PCDHAC1: variants seen among roughly 807,000 people sequenced by gnomAD.
PCDHAC1 encodes the protein protocadherin alpha-C1.
In PCDHAC1, 42 loss-of-function variants were observed where a neutral mutation model predicts 60.0. That is an observed-to-expected ratio of 0.70 (90% CI 0.55 to 0.90). The LOEUF (loss-of-function observed/expected upper bound fraction) is 0.90. PCDHAC1 is among the 40% of genes least tolerant of loss of function. The pLI is 0.00. For missense variants in PCDHAC1, 1,160 were observed against 1,222.3 expected, an observed-to-expected ratio of 0.95 and a Z score of 0.76; for synonymous variants, 468 against 499.3, an observed-to-expected ratio of 0.94 and a Z score of 0.84.
chr5:140,930,394 T>C (rs531643898), intron 1 of PCDHAC1: 1 of 145,356 alleles, frequency 6.9e-6, no homozygotes, highest in South Asian at 2.2e-4. Flanking sequence ...TCAAAACTTC[T>C]TTTTTTTTTT....
At chr5:141,009,285 T>C (rs1554262099) in intron 3 of PCDHAC1, among the ~76,000 whole-genome samples, 1 of 152,106 alleles carries the variant, frequency 6.6e-6, no homozygotes, top group African/African-American at 2.4e-5. Context: ...TGAGATCCCA[T>C]TTCTATAAAA....
At chr5:140,946,019 C>T (rs1014072062) in intron 1 of PCDHAC1, among the ~76,000 whole-genome samples, 2 of 151,732 alleles carry the variant, frequency 1.3e-5, no homozygotes, top group African/African-American at 2.4e-5. Context: ...TCCTGCGCAG[C>T]AAAGAAAACA....
At position 141,011,529 on chromosome 5, in the gene PCDHAC1, G is replaced by A. The variant is rs2098420955; in HGVS notation, c.*1592G>A. On this transcript the variant is annotated 3_prime_UTR_variant, in exon 4 of 4. Coordinates refer to ENST00000253807, the MANE Select transcript of PCDHAC1 (RefSeq NM_018898.5). ...GTGGAGTAGTGTTTTTTTAACCATT[G>A]TTAATCAGCTTTTGTGTATGAAAGA... 1.3e-5 allele frequency: 2 copies of A among 153,538 alleles called. No homozygotes were observed. The highest frequency in any genetic ancestry group is 3.9e-4 in the East Asian group (2 of 5,188). The allele number at this position is 153,538 out of a possible 1,614,324, so 9.5% of individuals were successfully genotyped here.
intron 1 of PCDHAC1, among the ~76,000 whole-genome samples, chr5:140,944,014 C>A (rs1205860914): frequency 1.3e-5 from 2 of 152,022 alleles, no homozygotes; most frequent in African/African-American, 2.4e-5. Context: ...CCCCCAAAAG[C>A]AATTATCTTC....
intron 3 of PCDHAC1, among the ~76,000 whole-genome samples, chr5:140,989,670 C>G (rs907417768): frequency 6.6e-6 from 1 of 152,104 alleles, no homozygotes. Flanking sequence ...GAAACTCTGC[C>G]CAGATTTCAA....
chr5:140,961,748 A>G (rs2095633419), intron 1 of PCDHAC1, among the ~76,000 whole-genome samples: 1 of 152,184 alleles, frequency 6.6e-6, no homozygotes, highest in Non-Finnish European at 1.5e-5. Flanking sequence ...GTAATATTAC[A>G]GTTTTGAAGG....
chr5:140,927,417 G>T lies in PCDHAC1; in HGVS notation c.525G>T (p.Ser175=), dbSNP rs74597681. ...PSQHFRLDMG[S]RVDGSEYPEL... is the part of the protein sequence containing the mutation. ...AGCACTTTCGCCTGGACATGGGATCGCGGGTTGACGGCAGCGAATACCCGG... is the reference window on the plus strand; with the variant it reads ...AGCACTTTCGCCTGGACATGGGATCTCGGGTTGACGGCAGCGAATACCCGG... The change falls in exon 1 of 4, where the codon TCG becomes TCT. Residue 175 remains serine (S), a synonymous_variant. Transcript: ENST00000253807. 1 of 1,614,100 alleles carries T rather than the reference G, an allele frequency of 6.2e-7. No homozygotes were observed. The highest frequency in any genetic ancestry group is 8.5e-7 in the Non-Finnish European group (1 of 1,179,972).
intron 1 of PCDHAC1, among the ~76,000 whole-genome samples, chr5:140,956,131 C>A (rs2095258276): frequency 6.6e-6 from 1 of 152,096 alleles, no homozygotes; most frequent in African/African-American, 2.4e-5. Flanking sequence ...TATTTGAATA[C>A]CCTTTATTTC....
chr5:140,969,168 C>T (rs1554231530), intron 1 of PCDHAC1: 2 of 1,614,088 alleles, frequency 1.2e-6, no homozygotes, highest in Non-Finnish European at 1.7e-6. Flanking sequence ...ACAGCAGGCT[C>T]AGGGAGTGAC....
In PCDHAC1 at chr5:141,009,849, C is replaced by G; in HGVS notation, c.2804C>G (p.Thr935Ser). The change falls in exon 4 of 4, where the codon ACC (threonine) becomes AGC (serine). Residue 935 changes from threonine (T) to serine (S), a missense_variant. Physicochemically the swap from Thr to Ser is moderately conservative, Grantham distance 58. Around this residue, in one of 3 missense-constraint regions of PCDHAC1, gnomAD observed 1,113 missense variants for 1,163.7 expected, o/e 0.96. Coordinates refer to ENST00000253807, the MANE Select transcript of PCDHAC1 (RefSeq NM_018898.5). ...ATAACCTTCGGCAAAAAGGAGGAGA[C>G]CAAGAAAAAGAAGAAAAAGAAGAAG... ...DFITFGKKEE[T>S]KKKKKKKKGN... 1 of 1,613,364 alleles carries G rather than the reference C, an allele frequency of 6.2e-7. No homozygotes were observed. The highest frequency in any genetic ancestry group is 8.5e-7 in the Non-Finnish European group (1 of 1,179,856).
At position 141,009,850 on chromosome 5, in the gene PCDHAC1, CAAGAAAAAG is replaced by C. The variant is rs782749911; in HGVS notation, c.2820_2828del (p.Lys941_Lys943del). 6.2e-6 allele frequency: 10 copies of C among 1,613,454 alleles called. No individual in the cohort carries two copies. The highest frequency in any genetic ancestry group is 1.7e-5 in the Admixed American group (1 of 59,950). ...TAACCTTCGGCAAAAAGGAGGAGAC[CAAGAAAAAG>C]AAGAAAAAGAAGAAGGGTAACAAGA... is the stretch of plus-strand genomic sequence containing the variant. On this transcript the variant is annotated inframe_deletion, in exon 4 of 4. Coordinates refer to ENST00000253807, the MANE Select transcript of PCDHAC1 (RefSeq NM_018898.5).
At chr5:140,989,413 T>G (rs1234033175) in intron 3 of PCDHAC1, among the ~76,000 whole-genome samples, 3 of 152,172 alleles carry the variant, frequency 2.0e-5, no homozygotes, top group Non-Finnish European at 4.4e-5. Context: ...GAGTCTGCAC[T>G]TCACTCTGTG....
chr5:140,954,488 T>C (rs1270188262), intron 1 of PCDHAC1, among the ~76,000 whole-genome samples: 1 of 152,246 alleles, frequency 6.6e-6, no homozygotes, highest in Non-Finnish European at 1.5e-5. Flanking sequence ...AGATATTTCA[T>C]TGTGGTTTTG....
chr5:140,961,632 A>T (rs373824042), intron 1 of PCDHAC1, among the ~76,000 whole-genome samples: 2 of 152,214 alleles, frequency 1.3e-5, no homozygotes, highest in African/African-American at 4.8e-5. Context: ...ATGAAAAACA[A>T]TCTTAAGTCT....
Position 141,009,608 on chromosome 5 carries a change from G to T in PCDHAC1, c.2582-19G>T, listed in dbSNP as rs1350951999. On this transcript the variant is annotated intron_variant, in intron 3 of 3. Coordinates refer to ENST00000253807, the MANE Select transcript of PCDHAC1 (RefSeq NM_018898.5). Reference sequence around the variant, plus strand: ...CATGTGTTGACCCTGTTAATGATTTGTAATGTTTTGTCTTTCAGAACCAGA... The same window carrying T: ...CATGTGTTGACCCTGTTAATGATTTTTAATGTTTTGTCTTTCAGAACCAGA... 1 of 1,610,774 alleles carries T rather than the reference G, an allele frequency of 6.2e-7. No individual in the cohort carries two copies. The highest frequency in any genetic ancestry group is 2.2e-5 in the East Asian group (1 of 44,832).
chr5:140,933,270 C>T (rs1388946153), intron 1 of PCDHAC1, among the ~76,000 whole-genome samples: 1 of 151,842 alleles, frequency 6.6e-6, no homozygotes, highest in African/African-American at 2.4e-5. Context: ...ATTATATATT[C>T]ATTTGGAACT....
At chr5:140,950,159 T>C (rs983239055) in intron 1 of PCDHAC1, among the ~76,000 whole-genome samples, 3 of 151,972 alleles carry the variant, frequency 2.0e-5, no homozygotes, top group Non-Finnish European at 4.4e-5. Flanking sequence ...AAGCAGTTAT[T>C]ATGTACTTTA....
intron 3 of PCDHAC1, among the ~76,000 whole-genome samples, chr5:140,993,994 A>T (rs1393081374): frequency 6.6e-6 from 1 of 152,234 alleles, no homozygotes; most frequent in African/African-American, 2.4e-5. Context: ...CACTTAGGTC[A>T]GGCCAGGCTC....
intron 1 of PCDHAC1, among the ~76,000 whole-genome samples, chr5:140,942,620 A>C (rs1304224304): frequency 3.5e-5 from 1 of 28,710 alleles, no homozygotes; most frequent in African/African-American, 2.6e-4. Context: ...TGCCAATTGT[A>C]AAAAAAAAAA....
Sources: allele counts gnomAD v4.1 joint callset (sites outside exome capture counted in the v4.1 genomes callset), GRCh38; gene constraint gnomAD v4.1.1; regional missense constraint gnomAD v4.1.1; transcripts MANE v1.5; gene names NCBI Gene and HGNC (gene_info 2026-07-23, HGNC 2026-07-21).